The following ITPR2 variants were observed in gnomAD, a reference collection of about 807,000 sequenced individuals.
ITPR2 encodes the protein inositol 1,4,5-trisphosphate receptor type 2, also known as inositol 1,4,5-trisphosphate-gated calcium channel ITPR2.
Under a neutral mutation model 317.1 loss-of-function variants are expected in ITPR2, and 207 were observed. The ratio of observed to expected loss-of-function variants is 0.65; its 90% CI spans 0.58 to 0.73. The LOEUF (loss-of-function observed/expected upper bound fraction) is 0.73, where lower values mean the gene tolerates loss of function less well. ITPR2 is among the 30% of genes least tolerant of loss of function. ITPR2 has a pLI of 0.00. For missense variants in ITPR2, 2,613 were observed against 3,284.0 expected (o/e 0.80, Z 4.99); for synonymous variants, 1,156 against 1,149.1 (o/e 1.01, Z -0.12).
intron 2 of ITPR2, among the ~76,000 whole-genome samples, chr12:26,772,069 G>A (rs371097718): frequency 7.2e-5 from 11 of 151,916 alleles, no homozygotes; most frequent in East Asian, 5.8e-4. Context: ...AAGACCGAAC[G>A]GATTGGGGTA....
intron 54 of ITPR2, 91 bp downstream of exon 54, chr12:26,398,785 T>C: frequency 9.5e-7 from 1 of 1,057,182 alleles, no homozygotes. Context: ...AAATAATTTT[T>C]CCGAAAGCAT....
chr12:26,567,912 C>T (rs1357174617), intron 34 of ITPR2, among the ~76,000 whole-genome samples: 1 of 138,570 alleles, frequency 7.2e-6, no homozygotes, highest in African/African-American at 2.7e-5. Flanking sequence ...AGTTAGCTTA[C>T]TTTTACTAAG....
At chr12:26,387,375 G>C (rs1939696927) in intron 55 of ITPR2, 59 bp downstream of exon 55, 1 of 1,498,742 alleles carries the variant, frequency 6.7e-7, no homozygotes, top group Admixed American at 1.8e-5. Flanking sequence ...GTAGGGTAGA[G>C]AAGATGAAAG....
At chr12:26,378,024 T>A (rs1297519626) in intron 55 of ITPR2, among the ~76,000 whole-genome samples, 1 of 152,084 alleles carries the variant, frequency 6.6e-6, no homozygotes, top group African/African-American at 2.4e-5. Context: ...TGGCTCTATA[T>A]CTTATTTATT....
At chr12:26,802,544 GAGATATATATATATCTATATATAGATAT>G (rs1565777423) in intron 1 of ITPR2, among the ~76,000 whole-genome samples, 1 of 136,042 alleles carries the variant, frequency 7.4e-6, no homozygotes, top group South Asian at 2.6e-4. Context: ...AACTGCAGAG[GAGATATATATATATCTATATATAGATAT>G]AGATATAGAT....
rs1948131726 is a variant in ITPR2, at chr12:26,686,603, T to C, written c.1026A>G (p.Lys342=). The change falls in exon 11 of 57, where the codon AAA becomes AAG. Residue 342 remains lysine, a synonymous_variant. Transcript: ENST00000381340. ...VRDGVPPTSK[K]KRQAGEKIMY... is the part of the protein sequence containing the mutation. ...TGATCTTCTCCCCTGCCTGGCGTTTTTTCTTTGAAGTTGGAGGGACTCCAT... is the reference window on the plus strand; with the variant it reads ...TGATCTTCTCCCCTGCCTGGCGTTTCTTCTTTGAAGTTGGAGGGACTCCAT... 2.5e-6 allele frequency: 4 copies of C among 1,610,734 alleles called. No individual in the cohort carries two copies. Among genetic ancestry groups the C allele is most frequent in the Non-Finnish European group, 3.4e-6 (4 of 1,178,250 alleles).
At chr12:26,551,211 C>T (rs1591888588) in intron 36 of ITPR2, among the ~76,000 whole-genome samples, 1 of 151,924 alleles carries the variant, frequency 6.6e-6, no homozygotes, top group Non-Finnish European at 1.5e-5. Flanking sequence ...GGGATATAAC[C>T]CTGGGGAAAA....
intron 8 of ITPR2, among the ~76,000 whole-genome samples, chr12:26,713,779 T>C (rs796606862): frequency 3.0e-5 from 4 of 134,442 alleles, no homozygotes; most frequent in African/African-American, 1.5e-4. Flanking sequence ...ACCTCTATAT[T>C]TTTTTAATTT....
intron 26 of ITPR2, among the ~76,000 whole-genome samples, chr12:26,607,945 G>A (rs1262527665): frequency 1.3e-5 from 2 of 151,888 alleles, no homozygotes; most frequent in Non-Finnish European, 2.9e-5. Flanking sequence ...TTAGCCGGGC[G>A]TTTCTACTAA....
chr12:26,628,150 C>T lies in ITPR2; in HGVS notation c.2947G>A (p.Val983Ile). The change falls in exon 23 of 57, where the codon GTC becomes ATC. Residue 983 changes from valine to isoleucine, a missense_variant. Around this residue, in one of 9 missense-constraint regions of ITPR2, gnomAD observed 817 missense variants for 897.6 expected, o/e 0.91. Transcript: ENST00000381340. Reference sequence around the variant, plus strand: ...TATGAGATCCTATAATCCAGTCTGACACTCAGGATAAACTATAAGAAACAT... The same window carrying T: ...TATGAGATCCTATAATCCAGTCTGATACTCAGGATAAACTATAAGAAACAT... ...IIEILQFILS[V>I]RLDYRISYML... 6.3e-7 allele frequency: 1 copy of T among 1,597,126 alleles called. No homozygotes were observed. The highest frequency in any genetic ancestry group is 8.5e-7 in the Non-Finnish European group (1 of 1,170,986).
intron 34 of ITPR2, among the ~76,000 whole-genome samples, chr12:26,573,654 CCAGCAAGTGA>C (rs1211919604): frequency 6.6e-6 from 1 of 152,100 alleles, no homozygotes; most frequent in Non-Finnish European, 1.5e-5. Flanking sequence ...ACAGAGGAAA[CCAGCAAGTGA>C]CATTCTCCAG....
intron 34 of ITPR2, among the ~76,000 whole-genome samples, chr12:26,563,484 C>A (rs1390144400): frequency 6.6e-6 from 1 of 151,912 alleles, no homozygotes; most frequent in South Asian, 2.1e-4. Context: ...GCAGGAGAAT[C>A]GCTTGAACCC....
At chr12:26,484,456 T>C (rs189470900) in intron 41 of ITPR2, among the ~76,000 whole-genome samples, 93 of 152,146 alleles carry the variant, frequency 6.1e-4, no homozygotes, top group African/African-American at 2.1e-3. Context: ...TCTAAAAAAG[T>C]TTTTCTAGAT....
chr12:26,772,400 T>G (rs1340095110), intron 2 of ITPR2, among the ~76,000 whole-genome samples: 1 of 126,144 alleles, frequency 7.9e-6, no homozygotes, highest in African/African-American at 2.7e-5. Flanking sequence ...ATTATATATA[T>G]ATAATATACA....
intron 1 of ITPR2, among the ~76,000 whole-genome samples, chr12:26,799,772 G>A (rs1950521447): frequency 6.6e-6 from 1 of 152,178 alleles, no homozygotes; most frequent in African/African-American, 2.4e-5. Flanking sequence ...GTCTGAGCTT[G>A]TCCATTACAG....
chr12:26,670,017 G>A (rs1040624923), intron 13 of ITPR2, among the ~76,000 whole-genome samples: 1 of 152,240 alleles, frequency 6.6e-6, no homozygotes, highest in South Asian at 2.1e-4. Context: ...CCATTGCCCA[G>A]GCTTGCTTAG....
Position 26,631,863 on chromosome 12 carries a change from C to T in ITPR2, c.2934+3G>A, listed in dbSNP as rs201874457. The T allele has an allele frequency of 6.2e-6, 10 of 1,613,370 alleles. No homozygotes were observed. In the East Asian group the frequency reaches 1.6e-4, roughly 25 times the overall value. On this transcript the variant is annotated splice_donor_region_variant and intron_variant, in intron 22 of 56. Transcript: ENST00000381340. ...GTCACCTAGCTTCTGTTAGGCAACA[C>T]ACCTGCAAAATCTCAATGATCTTCA...
intron 54 of ITPR2, among the ~76,000 whole-genome samples, chr12:26,389,829 C>G (rs1162891671): frequency 6.6e-6 from 1 of 152,104 alleles, no homozygotes; most frequent in Non-Finnish European, 1.5e-5. Context: ...TAAGAAAAAG[C>G]CTGTCTGATA....
chr12:26,832,801 T>A lies in ITPR2; in HGVS notation c.-20A>T. On this transcript the variant is annotated 5_prime_UTR_variant, in exon 1 of 57. Transcript: ENST00000381340. ...AGTCATGCTGCTTCATGTTCCACAGTGGACGTCCCTCTTCTTCCCTGCGCC... is the reference window on the plus strand; with the variant it reads ...AGTCATGCTGCTTCATGTTCCACAGAGGACGTCCCTCTTCTTCCCTGCGCC... The A allele has an allele frequency of 6.4e-7, 1 of 1,569,298 alleles. No homozygotes were observed. The highest frequency in any genetic ancestry group is 1.1e-5 in the South Asian group (1 of 88,746).
Sources: gnomAD v4.1 joint callset for allele counts (sites outside exome capture counted in the v4.1 genomes callset) on GRCh38, gnomAD v4.1.1 for gene constraint, gnomAD v4.1.1 regional missense constraint, MANE v1.5 for transcripts, NCBI Gene and HGNC (gene_info 2026-07-23, HGNC 2026-07-21) for gene names.